The following KLF11 variants were observed in gnomAD, a reference collection of about 807,000 sequenced individuals.
KLF11 encodes the protein Krueppel-like factor 11.
In KLF11, 26 loss-of-function variants were observed where a neutral mutation model predicts 29.9. The observed-to-expected ratio is 0.87, with a 90% CI of 0.64 to 1.21. The LOEUF (loss-of-function observed/expected upper bound fraction) is 1.21. Ranked by LOEUF, KLF11 falls within the 50% of genes most tolerant of loss-of-function variation. The probability of loss-of-function intolerance (pLI) is 0.00; values close to 1 mark genes in which losing one functional copy is unlikely to be tolerated. For synonymous variants in KLF11, 318 were observed against 257.4 expected (o/e 1.24, Z -2.25); for missense variants, 778 against 665.7 (o/e 1.17, Z -1.86).
rs750063435 is a variant in KLF11 at position 10,052,418 on chromosome 2, G to T, written c.1450G>T (p.Gly484Cys). The T allele has an allele frequency of 1.2e-6, 2 of 1,614,088 alleles. No homozygotes were observed. The highest frequency in any genetic ancestry group is 2.7e-5 in the African/African-American group (2 of 74,912). The change falls in exon 4 of 4, where the codon GGC (glycine) becomes TGC (cysteine). Residue 484 changes from glycine (G) to cysteine (C), a missense_variant. Physicochemically the swap from Gly to Cys is radical, Grantham distance 159. Transcript: ENST00000305883. ...RRHMTTKKIP[G>C]WQAEVGKLNR... ...CCACATGACGACCAAGAAGATCCCA[G>T]GCTGGCAGGCAGAGGTTGGCAAGCT...
intron 1 of KLF11, chr2:10,044,462 C>T (rs999389725): frequency 2.6e-5 from 26 of 984,888 alleles, no homozygotes; most frequent in Admixed American, 6.1e-5. Context: ...GTGAGTCGGC[C>T]TCGGCGCCCG....
Position 10,048,432 on chromosome 2 carries a change from G to A in KLF11, c.1095G>A (p.Lys365=). The A allele has an allele frequency of 6.2e-7, 1 of 1,614,124 alleles. No individual in the cohort carries two copies. The highest frequency in any genetic ancestry group is 8.5e-7 in the Non-Finnish European group (1 of 1,180,028). The change falls in exon 3 of 4, where the codon AAG becomes AAA. Residue 365 remains lysine (K), a synonymous_variant. Transcript: ENST00000305883. ...AANVMAAGNT[K]LLPLAPAPVF... ...ATGTCATGGCTGCCGGGAATACCAA[G>A]TTGTTGCCCCTTGCCCCTGCTCCAG...
intron 1 of KLF11, among the ~76,000 whole-genome samples, chr2:10,044,809 G>T (rs979478612): frequency 6.6e-6 from 1 of 152,032 alleles, no homozygotes; most frequent in Non-Finnish European, 1.5e-5. Context: ...TTTTGGAAGA[G>T]ATCAGCTCAT....
intron 1 of KLF11, among the ~76,000 whole-genome samples, chr2:10,045,852 A>G (rs1048810983): frequency 7.2e-5 from 11 of 152,232 alleles, no homozygotes; most frequent in African/African-American, 2.7e-4. Flanking sequence ...TCAGGAGTTA[A>G]TTTTATTAAT....
chr2:10,044,581 C>G (rs1426776956), intron 1 of KLF11: 1 of 256,142 alleles, frequency 3.9e-6, no homozygotes, highest in African/African-American at 2.3e-5. Flanking sequence ...AGACGGAAAG[C>G]TTTGATGCTT....
chr2:10,048,423 G>T lies in KLF11; in HGVS notation c.1086G>T (p.Gly362=). The T allele has an allele frequency of 6.2e-7, 1 of 1,614,090 alleles. No individual in the cohort carries two copies. The highest frequency in any genetic ancestry group is 8.5e-7 in the Non-Finnish European group (1 of 1,180,004). Residue 362 remains glycine (G), a synonymous_variant, in exon 3 of 4, where the codon GGG becomes GGT. Coordinates refer to ENST00000305883, the MANE Select transcript of KLF11 (RefSeq NM_003597.5). ...APCAANVMAA[G]NTKLLPLAPA... ...GTGCAGCCAATGTCATGGCTGCCGG[G>T]AATACCAAGTTGTTGCCCCTTGCCC...
In KLF11 at chr2:10,047,775, C is replaced by T. The variant is rs1368563247; in HGVS notation, c.438C>T (p.Ala146=). The change falls in exon 3 of 4, where the codon GCC becomes GCT. Residue 146 remains alanine, a synonymous_variant. Transcript: ENST00000305883. ...TDVLQSSAVV[A]RALSGGAERG... is the part of the protein sequence containing the mutation. ...TTCTCCAGTCCTCTGCCGTAGTGGCCAGAGCTCTGAGCGGGGGCGCGGAGA... is the reference window on the plus strand; with the variant it reads ...TTCTCCAGTCCTCTGCCGTAGTGGCTAGAGCTCTGAGCGGGGGCGCGGAGA... The T allele has an allele frequency of 1.9e-6, 3 of 1,613,724 alleles. No homozygotes were observed. Among genetic ancestry groups the T allele is most frequent in the Non-Finnish European group, 2.5e-6 (3 of 1,179,960 alleles).
intron 2 of KLF11, among the ~76,000 whole-genome samples, chr2:10,046,891 C>T (rs192120543): frequency 5.9e-5 from 9 of 152,192 alleles, no homozygotes; most frequent in Non-Finnish European, 1.3e-4. Context: ...AGAAACTTTT[C>T]TTTCATTTCT....
intron 3 of KLF11, 145 bp from the exon 4 acceptor site, chr2:10,052,082 G>T: frequency 1.2e-6 from 1 of 855,300 alleles, no homozygotes; most frequent in Non-Finnish European, 2.0e-6. Context: ...AGGATTTCTT[G>T]ACCCAAATCA....
chr2:10,052,530 A>C lies in KLF11; in HGVS notation c.*23A>C. 1 of 1,611,676 alleles carries C rather than the reference A, an allele frequency of 6.2e-7. No individual in the cohort carries two copies. The highest frequency in any genetic ancestry group is 8.5e-7 in the Non-Finnish European group (1 of 1,179,228). ...TGAAAGGTCCATTAGGACATCACTCATGGGATTTTTAAAAAGCCTCTTTCC... is the reference window on the plus strand; with the variant it reads ...TGAAAGGTCCATTAGGACATCACTCCTGGGATTTTTAAAAAGCCTCTTTCC... On this transcript the variant is annotated 3_prime_UTR_variant, in exon 4 of 4. Transcript: ENST00000305883.
At chr2:10,048,980 G>C (rs575165130) in intron 3 of KLF11, among the ~76,000 whole-genome samples, 1 of 144,748 alleles carries the variant, frequency 6.9e-6, no homozygotes, top group African/African-American at 2.6e-5. Context: ...TTACCAGTGT[G>C]ACTTATGTTT....
chr2:10,048,463 A>G lies in KLF11; in HGVS notation c.1126A>G (p.Ile376Val), dbSNP rs769368043. Residue 376 changes from isoleucine (I) to valine (V), a missense_variant, in exon 3 of 4, where the codon ATC becomes GTC. Transcript: ENST00000305883. ...GCCCCTTGCCCCTGCTCCAGTGTTC[A>G]TCACCTCTAGCCAAAACTGTGTCCC... ...LLPLAPAPVF[I>V]TSSQNCVPQV... 1.2e-6 allele frequency: 2 copies of G among 1,613,954 alleles called. No homozygotes were observed. Among genetic ancestry groups the G allele is most frequent in the Non-Finnish European group, 1.7e-6 (2 of 1,180,022 alleles).
Position 10,043,568 on chromosome 2 carries a change from G to T in KLF11, c.-149G>T. The T allele has an allele frequency of 2.7e-6, 1 of 373,626 alleles. No homozygotes were observed. Among genetic ancestry groups the T allele is most frequent in the Non-Finnish European group, 3.6e-6 (1 of 273,998 alleles). 23.1% of individuals were successfully genotyped at this position (373,626 alleles called of 1,614,324 possible). ...CTCCCGCGCCGCGAGGGCCGCGCCG[G>T]GGCAGAGCCGCGCGGGCGGGCGAGG... On this transcript the variant is annotated 5_prime_UTR_variant, in exon 1 of 4. Transcript: ENST00000305883.
intron 3 of KLF11, among the ~76,000 whole-genome samples, chr2:10,050,936 C>CT (rs1661385985): frequency 2.3e-5 from 2 of 85,574 alleles, no homozygotes; most frequent in East Asian, 8.1e-4. Flanking sequence ...GAATCTTGCT[C>CT]TGTCGCCCAG....
chr2:10,046,759 G>A (rs1486674118), intron 2 of KLF11, among the ~76,000 whole-genome samples: 1 of 152,154 alleles, frequency 6.6e-6, no homozygotes, highest in African/African-American at 2.4e-5. Flanking sequence ...GGAGTCTGAG[G>A]TAGGAGAATC....
intron 3 of KLF11, among the ~76,000 whole-genome samples, chr2:10,051,541 C>T (rs1024800211): frequency 6.2e-5 from 9 of 144,882 alleles, no homozygotes; most frequent in East Asian, 2.1e-4. Flanking sequence ...TTTTTTGAGA[C>T]GGAGTCTCCT....
At position 10,043,711 on chromosome 2, in the gene KLF11, T is replaced by G; in HGVS notation, c.-6T>G. The G allele has an allele frequency of 7.4e-7, 1 of 1,348,174 alleles. No homozygotes were observed. The highest frequency in any genetic ancestry group is 9.7e-7 in the Non-Finnish European group (1 of 1,033,776). The allele number at this position is 1,348,174 out of a possible 1,614,324, so 83.5% of individuals were successfully genotyped here. A position where few individuals can be genotyped will look rare whatever the true frequency, so the allele number is the denominator to read the frequency against. On this transcript the variant is annotated 5_prime_UTR_variant, in exon 1 of 4. Transcript: ENST00000305883. ...GCCGCTTTGTTGCTCCCGGCCGGCCTGCACGATGCACACGCCGGACTTCGC... is the reference window on the plus strand; with the variant it reads ...GCCGCTTTGTTGCTCCCGGCCGGCCGGCACGATGCACACGCCGGACTTCGC...
intron 3 of KLF11, among the ~76,000 whole-genome samples, chr2:10,050,892 CTTTTTTT>C (rs386389509): frequency 2.6e-3 from 143 of 54,814 alleles, no homozygotes; most frequent in African/African-American, 0.01. Context: ...TAGATGCTAC[CTTTTTTT>C]TTTTTTTTTT....
chr2:10,046,487 A>C (rs545334497), intron 2 of KLF11, 68 bp downstream of exon 2: 1 of 1,535,630 alleles, frequency 6.5e-7, no homozygotes, highest in East Asian at 2.2e-5. Flanking sequence ...AGTGTGTTGA[A>C]GAACTTGTGA....
Sources: allele counts gnomAD v4.1 joint callset (sites outside exome capture counted in the v4.1 genomes callset), GRCh38; gene constraint gnomAD v4.1.1; transcripts MANE v1.5; gene names NCBI Gene and HGNC (gene_info 2026-07-23, HGNC 2026-07-21).